Variants in RPS6KA2 observed in about 807,000 individuals in gnomAD.
RPS6KA2 encodes ribosomal protein S6 kinase A2, also known as ribosomal protein S6 kinase alpha-2.
RPS6KA2 carries 42 observed loss-of-function variants against 91.8 expected under a neutral mutation model. The ratio of observed to expected loss-of-function variants is 0.46; its 90% CI spans 0.36 to 0.59. RPS6KA2 has a LOEUF of 0.59. Ranked by LOEUF, RPS6KA2 falls within the 20% of genes least tolerant of loss-of-function variation. The pLI, the probability that RPS6KA2 is intolerant of heterozygous loss-of-function variation, is 0.00. For missense variants in RPS6KA2, 798 were observed against 978.5 expected, an observed-to-expected ratio of 0.82 and a Z score of 2.46; for synonymous variants, 414 against 393.6, an observed-to-expected ratio of 1.05 and a Z score of -0.61.
intron 3 of RPS6KA2, among the ~76,000 whole-genome samples, chr6:166,514,895 T>C (rs894357708): frequency 5.3e-5 from 8 of 152,010 alleles, no homozygotes; most frequent in Non-Finnish European, 1.2e-4. Context: ...AGAAGTCAGG[T>C]GGTGGGCAGG....
intron 3 of RPS6KA2, among the ~76,000 whole-genome samples, chr6:166,515,051 G>A (rs964259102): frequency 6.6e-6 from 1 of 152,182 alleles, no homozygotes; most frequent in Non-Finnish European, 1.5e-5. Context: ...AGGACCACTG[G>A]AGGATATGTA....
At chr6:166,594,486 G>A (rs1015451761) in intron 1 of RPS6KA2, among the ~76,000 whole-genome samples, 1 of 151,506 alleles carries the variant, frequency 6.6e-6, no homozygotes, top group African/African-American at 2.4e-5. Flanking sequence ...TTTTTGAGAC[G>A]GAGTCTCGCT....
At chr6:166,431,605 CT>C (rs1442654349) in intron 15 of RPS6KA2, among the ~76,000 whole-genome samples, 9 of 152,194 alleles carry the variant, frequency 5.9e-5, no homozygotes, top group African/African-American at 2.2e-4. Context: ...ACAATATGCT[CT>C]GATTATTCTT....
At chr6:166,608,910 T>G (rs1786054191) in intron 1 of RPS6KA2, among the ~76,000 whole-genome samples, 1 of 152,198 alleles carries the variant, frequency 6.6e-6, no homozygotes, top group African/African-American at 2.4e-5. Flanking sequence ...TGTAGAATAT[T>G]TATGAAAGAA....
At chr6:166,697,028 C>T (rs1379607221) in intron 2 of RPS6KA2, among the ~76,000 whole-genome samples, 1 of 151,798 alleles carries the variant, frequency 6.6e-6, no homozygotes, top group Non-Finnish European at 1.5e-5. Context: ...GAACCAATTC[C>T]TTACAATAAA....
chr6:166,482,002 G>T (rs367680484), intron 10 of RPS6KA2, among the ~76,000 whole-genome samples: 2 of 150,380 alleles, frequency 1.3e-5, no homozygotes, highest in Admixed American at 1.3e-4. Context: ...CTCTCTGATC[G>T]ATCTTAAAGT....
rs762891277 is a variant in RPS6KA2, at chr6:166,430,416, C to T, written c.1581+37G>A. The T allele has an allele frequency of 5.1e-6, 8 of 1,580,688 alleles. No homozygotes were observed. In the Admixed American group the frequency reaches 8.9e-5, roughly 18 times the overall value. On this transcript the variant is annotated intron_variant, in intron 16 of 20. Transcript: ENST00000265678. ...GGTTTTGGTTCCTGCCCTGAAGCTC[C>T]CTCCTCCCCGAAGGCTGCCCCAGGC...
intron 2 of RPS6KA2, among the ~76,000 whole-genome samples, chr6:166,780,831 G>T (rs1778749079): frequency 1.3e-5 from 2 of 152,192 alleles, no homozygotes; most frequent in African/African-American, 2.4e-5. Flanking sequence ...CAGCCTGGTT[G>T]GATTACACAG....
At chr6:166,640,817 G>C (rs10223606) in intron 2 of RPS6KA2, among the ~76,000 whole-genome samples, 9,601 of 149,426 alleles carry the variant, frequency 0.064, 678 homozygotes, top group African/African-American at 0.17. Context: ...AGCAGGGTGT[G>C]GGGGGTCGGA....
intron 2 of RPS6KA2, among the ~76,000 whole-genome samples, chr6:166,718,311 G>A (rs1043176431): frequency 1.3e-5 from 2 of 152,128 alleles, no homozygotes; most frequent in African/African-American, 4.8e-5. Flanking sequence ...AGGCTGGCAT[G>A]GGGGGAGGTT....
intron 2 of RPS6KA2, among the ~76,000 whole-genome samples, chr6:166,654,246 C>G (rs1787942812): frequency 6.6e-6 from 1 of 152,216 alleles, no homozygotes; most frequent in South Asian, 2.1e-4. Context: ...GCATTTTGCT[C>G]TTTTGAAAAT....
rs1036029482 is a variant in RPS6KA2, at chr6:166,412,937, T to C, written c.2077-50A>G. 5.3e-6 allele frequency: 8 copies of C among 1,501,538 alleles called. No individual in the cohort carries two copies. In the East Asian group the frequency reaches 1.8e-4, roughly 33 times the overall value. 93.0% of individuals were successfully genotyped at this position (1,501,538 alleles called of 1,614,324 possible). On this transcript the variant is annotated intron_variant, in intron 20 of 20. Coordinates refer to ENST00000265678, the MANE Select transcript of RPS6KA2 (RefSeq NM_021135.6). The surrounding 1 kb of genome is among the most constrained non-coding windows in gnomAD (Gnocchi z 4.3). Reference sequence around the variant, plus strand: ...GAGCCGCGGCGCCTCACTCCAGGGGTTGAGCCGGAGCCCGGGGCCTCCATG... The same window carrying C: ...GAGCCGCGGCGCCTCACTCCAGGGGCTGAGCCGGAGCCCGGGGCCTCCATG...
intron 2 of RPS6KA2, among the ~76,000 whole-genome samples, chr6:166,831,217 C>T (rs1342320368): frequency 1.3e-5 from 2 of 152,116 alleles, no homozygotes; most frequent in Non-Finnish European, 2.9e-5. Context: ...GTTGGTCCTG[C>T]GCACCTCACT....
intron 2 of RPS6KA2, among the ~76,000 whole-genome samples, chr6:166,697,496 C>T (rs914278779): frequency 3.9e-5 from 6 of 152,196 alleles, no homozygotes; most frequent in South Asian, 4.1e-4. Flanking sequence ...AAGCCACTGT[C>T]GTAGACTTCT....
chr6:166,701,502 T>G, intron 2 of RPS6KA2: 2 of 1,326,584 alleles, frequency 1.5e-6, no homozygotes, highest in South Asian at 2.4e-5. Context: ...GTGCTTCCAC[T>G]GGAGCAATCT....
chr6:166,427,986 G>A (rs977086796), intron 16 of RPS6KA2, among the ~76,000 whole-genome samples: 15 of 148,950 alleles, frequency 1.0e-4, no homozygotes, highest in East Asian at 1.9e-4. Context: ...AGAGCCGCCC[G>A]CATCGCCAAG....
chr6:166,489,485 C>T (rs1046368014), intron 9 of RPS6KA2, among the ~76,000 whole-genome samples: 5 of 152,204 alleles, frequency 3.3e-5, no homozygotes, highest in Non-Finnish European at 7.3e-5. Flanking sequence ...CTGAGAACCC[C>T]ACGCGCAGAG....
intron 12 of RPS6KA2, 31 bp from the exon 13 acceptor site, chr6:166,451,264 C>T (rs367740254): frequency 1.1e-5 from 17 of 1,611,522 alleles, no homozygotes; most frequent in Non-Finnish European, 1.4e-5. Context: ...GTTCAGATGC[C>T]ACGAAAGCTG....
upstream of RPS6KA2, among the ~76,000 whole-genome samples, chr6:166,628,255 C>G (rs1269908968): frequency 5.9e-5 from 9 of 152,174 alleles, no homozygotes; most frequent in Non-Finnish European, 8.8e-5. Flanking sequence ...TGCAGCAGGG[C>G]CGAGAATGCG....
Sources: gnomAD v4.1 joint callset for allele counts (sites outside exome capture counted in the v4.1 genomes callset) on GRCh38, gnomAD v4.1.1 for gene constraint, Gnocchi (gnomAD v3.1) non-coding constraint, MANE v1.5 for transcripts, NCBI Gene and HGNC (gene_info 2026-07-23, HGNC 2026-07-21) for gene names.